ASH1L: variants seen among roughly 807,000 people sequenced by gnomAD.
ASH1L encodes histone-lysine N-methyltransferase ASH1L.
ASH1L carries 23 observed loss-of-function variants against 269.0 expected under a neutral mutation model. The observed-to-expected ratio is 0.09, with a 90% confidence interval of 0.06 to 0.12. ASH1L has a LOEUF of 0.12. ASH1L is among the 10% of genes least tolerant of loss of function. The probability of loss-of-function intolerance (pLI) is 1.00; values close to 1 mark genes in which losing one functional copy is unlikely to be tolerated. For synonymous variants in ASH1L, 1,187 were observed against 1,253.5 expected (o/e 0.95, Z 1.12); for missense variants, 2,912 against 3,567.8 (o/e 0.82, Z 4.68).
In ASH1L at chr1:155,338,202, T is replaced by G; in HGVS notation, c.8690A>C (p.Glu2897Ala). ...GGTTGACTGGGGTTCTTGACTACTT[T>G]CCTCTGTTTTTTTTTCACCCTCACT... Reference protein sequence around the residue: ...NVSEGEKKTEESSQEPQSTCT... With the variant: ...NVSEGEKKTEASSQEPQSTCT... Residue 2897 changes from glutamate (E) to alanine (A), a missense_variant, in exon 27 of 28, where the codon GAA (glutamate) becomes GCA (alanine). Physicochemically the swap from Glu to Ala is moderately radical, Grantham distance 107. Coordinates refer to ENST00000392403, the MANE Select transcript of ASH1L (RefSeq NM_018489.3). 6.2e-7 allele frequency: 1 copy of G among 1,614,080 alleles called. No individual in the cohort carries two copies. Among genetic ancestry groups the G allele is most frequent in the Non-Finnish European group, 8.5e-7 (1 of 1,179,994 alleles).
At chr1:155,473,940 A>T (rs1665325825) in intron 3 of ASH1L, among the ~76,000 whole-genome samples, 1 of 152,064 alleles carries the variant, frequency 6.6e-6, no homozygotes, top group Non-Finnish European at 1.5e-5. Context: ...GGTTCAAGGG[A>T]TTCTCCTGCC....
chr1:155,484,693 C>T (rs1452322888), intron 2 of ASH1L, among the ~76,000 whole-genome samples: 1 of 151,642 alleles, frequency 6.6e-6, no homozygotes, highest in African/African-American at 2.4e-5. Flanking sequence ...CTTTTGGAGG[C>T]CGAGGTGGGC....
chr1:155,357,225 G>A (rs1266102932), intron 15 of ASH1L, 91 bp downstream of exon 15: 5 of 998,260 alleles, frequency 5.0e-6, no homozygotes, highest in East Asian at 2.6e-5. Context: ...AAAAGAAAGT[G>A]GATCAACAAT....
chr1:155,355,158 C>T (rs114068229), intron 15 of ASH1L, among the ~76,000 whole-genome samples: 1,820 of 152,238 alleles, frequency 0.012, 17 homozygotes, highest in Middle Eastern at 0.031. Context: ...CGGGTTCAAG[C>T]GATTCTCTCA....
chr1:155,479,730 A>G lies in ASH1L; in HGVS notation c.3140T>C (p.Ile1047Thr). 6.2e-7 allele frequency: 1 copy of G among 1,614,186 alleles called. No homozygotes were observed. The highest frequency in any genetic ancestry group is 8.5e-7 in the Non-Finnish European group (1 of 1,180,026). ...INVSKKGTIY[I>T]GKRRGRKPKT... ...TGGTTTGCGACCTCTTCTCTTTCCT[A>G]TATAAATGGTTCCTTTCTTGCTGAC... Residue 1047 changes from isoleucine (I) to threonine (T), a missense_variant, in exon 3 of 28, where the codon ATA (isoleucine) becomes ACA (threonine). Ile to Thr is a moderately conservative substitution (Grantham distance 89, BLOSUM62 -1). Coordinates refer to ENST00000392403, the MANE Select transcript of ASH1L (RefSeq NM_018489.3).
chr1:155,559,960 T>A (rs1431860068), intron 1 of ASH1L, among the ~76,000 whole-genome samples: 1 of 152,202 alleles, frequency 6.6e-6, no homozygotes, highest in Non-Finnish European at 1.5e-5. Context: ...TAGATACTTG[T>A]GCTATATTAT....
In ASH1L at chr1:155,382,946, C is replaced by T. The variant is rs536748990; in HGVS notation, c.6104-2830G>A. On this transcript the variant is annotated intron_variant, in intron 7 of 27. Coordinates refer to ENST00000392403, the MANE Select transcript of ASH1L (RefSeq NM_018489.3). Reference sequence around the variant, plus strand: ...CCATGTTGCCCAGGCTGGTCTCAAACTCCTGGGCTCAAGCGATCTGCCTGC... The same window carrying T: ...CCATGTTGCCCAGGCTGGTCTCAAATTCCTGGGCTCAAGCGATCTGCCTGC... Among the ~76,000 whole-genome samples, 206 of 152,304 alleles carry T rather than the reference C, an allele frequency of 1.4e-3. 2 individuals carry two copies. The Middle Eastern group carries it at 0.017, about 13-fold the overall frequency.
At chr1:155,542,877 C>T (rs1670530578) in intron 1 of ASH1L, among the ~76,000 whole-genome samples, 1 of 151,716 alleles carries the variant, frequency 6.6e-6, no homozygotes, top group Non-Finnish European at 1.5e-5. Flanking sequence ...GACAGGGTTT[C>T]ATCATGTTGG....
At chr1:155,395,369 G>T (rs1658258560) in intron 7 of ASH1L, 90 bp downstream of exon 7, 3 of 970,016 alleles carry the variant, frequency 3.1e-6, no homozygotes, top group Middle Eastern at 2.2e-4. Flanking sequence ...TGGAGAAATA[G>T]AAATAATAAC....
chr1:155,491,938 G>C (rs914706791), intron 2 of ASH1L, among the ~76,000 whole-genome samples: 9 of 151,700 alleles, frequency 5.9e-5, no homozygotes, highest in African/African-American at 2.2e-4. Flanking sequence ...CTCTCAATGT[G>C]CTGGGATTAC....
chr1:155,559,846 A>G (rs1290139226), intron 1 of ASH1L, among the ~76,000 whole-genome samples: 1 of 152,178 alleles, frequency 6.6e-6, no homozygotes, highest in Non-Finnish European at 1.5e-5. Flanking sequence ...CTAAACTCCA[A>G]GACAGGAGCT....
chr1:155,395,607 T>C (rs1015997132), intron 6 of ASH1L, 54 bp from the exon 7 acceptor site: 1 of 1,328,412 alleles, frequency 7.5e-7, no homozygotes, highest in East Asian at 2.3e-5. Context: ...TTTCCTCCTG[T>C]GGTCAAATAC....
At chr1:155,380,984 A>G (rs192935609) in intron 7 of ASH1L, among the ~76,000 whole-genome samples, 8 of 152,150 alleles carry the variant, frequency 5.3e-5, no homozygotes, top group Admixed American at 3.9e-4. Flanking sequence ...CCAATGTTTT[A>G]GTCAACAATG....
intron 1 of ASH1L, among the ~76,000 whole-genome samples, chr1:155,524,833 C>A (rs1669130183): frequency 6.6e-6 from 1 of 151,712 alleles, no homozygotes; most frequent in East Asian, 1.9e-4. Context: ...GAACAAGACC[C>A]TGTCTCAAAA....
In ASH1L at chr1:155,370,644, C is replaced by T. The variant is rs41264237; in HGVS notation, c.6546G>A (p.Arg2182=). Residue 2182 remains arginine (R), a synonymous_variant, in exon 12 of 28, where the codon AGG becomes AGA. Coordinates refer to ENST00000392403, the MANE Select transcript of ASH1L (RefSeq NM_018489.3). ...EVVSEQEFRN[R]MIEQYHNHSD... is the part of the protein sequence containing the mutation. ...TGTGATTATGATACTGCTCAATCAT[C>T]CTGTTCCTAAAGAGAAGATAAATGA... 4.4e-3 allele frequency: 7,100 copies of T among 1,614,114 alleles called. 29 individuals carry two copies. The highest frequency in any genetic ancestry group is 5.6e-3 in the Admixed American group (335 of 59,984).
intron 13 of ASH1L, 108 bp from the exon 14 acceptor site, chr1:155,357,857 A>G (rs1218775379): frequency 4.6e-6 from 5 of 1,078,742 alleles, no homozygotes; most frequent in Non-Finnish European, 6.5e-6. Context: ...TGCAGTCTCA[A>G]CCTCCTGGGC....
chr1:155,415,910 G>A lies in ASH1L; in HGVS notation c.5842C>T (p.Pro1948Ser), dbSNP rs1167654829. Residue 1948 changes from proline to serine, a missense_variant, in exon 6 of 28, where the codon CCA (proline) becomes TCA (serine). Physicochemically the swap from Pro to Ser is moderately conservative, Grantham distance 74. Around this residue, in one of 13 missense-constraint regions of ASH1L, gnomAD observed 789 missense variants for 897.6 expected, o/e 0.88. Coordinates refer to ENST00000392403, the MANE Select transcript of ASH1L (RefSeq NM_018489.3). Reference protein sequence around the residue: ...QENNKSFNEAPVEIPSPSETP... With the variant: ...QENNKSFNEASVEIPSPSETP... ...TCAGAAGGACTGGGAATCTCAACTG[G>A]TGCTTCATTAAAGCTAGAAAGAGAA... The A allele has an allele frequency of 1.9e-6, 3 of 1,561,844 alleles. No individual in the cohort carries two copies. The Admixed American group carries it at 5.9e-5, about 31-fold the overall frequency.
intron 4 of ASH1L, among the ~76,000 whole-genome samples, chr1:155,443,412 G>A (rs1662753059): frequency 6.6e-6 from 1 of 152,082 alleles, no homozygotes; most frequent in South Asian, 2.1e-4. Context: ...CTATATTTTA[G>A]ATGTAACTTA....
rs552557069 is a variant in ASH1L at position 155,422,654 on chromosome 1, T to G, written c.5829-6731A>C. Among the ~76,000 whole-genome samples the G allele has an allele frequency of 1.2e-4, 16 of 132,460 alleles. No individual in the cohort carries two copies. In the East Asian group the frequency reaches 1.4e-3, roughly 12 times the overall value. 86.9% of individuals were successfully genotyped at this position (132,460 alleles called of 152,430 possible). The stretch of plus-strand genomic sequence containing the variant: ...CCTTGATTTTTTCTTTTTCTTTCTG[T>G]TTTTTTTTTTTTGAGACTGAGTTTT... On this transcript the variant is annotated intron_variant, in intron 5 of 27. Coordinates refer to ENST00000392403, the MANE Select transcript of ASH1L (RefSeq NM_018489.3).
Sources: gnomAD v4.1 joint callset for allele counts (sites outside exome capture counted in the v4.1 genomes callset) on GRCh38, gnomAD v4.1.1 for gene constraint, gnomAD v4.1.1 regional missense constraint, MANE v1.5 for transcripts, NCBI Gene and HGNC (gene_info 2026-07-23, HGNC 2026-07-21) for gene names.